Variants in GLOD4 observed in about 807,000 individuals in gnomAD.
GLOD4 encodes the protein glyoxalase domain containing 4.
In GLOD4, 44 loss-of-function variants were observed where a neutral mutation model predicts 39.1. That is an observed-to-expected ratio of 1.13 (90% CI 0.88 to 1.45). The LOEUF is 1.45. Among genes scored for constraint, GLOD4 ranks in the 40% most tolerant of loss-of-function variants. The probability of loss-of-function intolerance (pLI) is 0.00; values close to 1 mark genes in which losing one functional copy is unlikely to be tolerated. For synonymous variants in GLOD4, 145 were observed against 135.0 expected (o/e 1.07, Z -0.52); for missense variants, 405 against 366.4 (o/e 1.11, Z -0.86).
intron 8 of GLOD4, among the ~76,000 whole-genome samples, chr17:769,139 G>A (rs1907401914): frequency 6.6e-6 from 1 of 152,254 alleles, no homozygotes; most frequent in South Asian, 2.1e-4. Context: ...AGAGCTGAGG[G>A]GATCAGATGG....
chr17:770,175 C>G lies in GLOD4; in HGVS notation c.631-18G>C. ...TCTGGCAACTTGAGGAAAACAGAGG[C>G]AACGTGAGCCAGGGGTCACACACTA... is the stretch of plus-strand genomic sequence containing the variant. On this transcript the variant is annotated intron_variant, in intron 6 of 8. Coordinates refer to ENST00000301329, the MANE Select transcript of GLOD4 (RefSeq NM_016080.4). 2.9e-6 allele frequency: 4 copies of G among 1,392,082 alleles called. No homozygotes were observed. The highest frequency in any genetic ancestry group is 4.1e-6 in the Non-Finnish European group (4 of 979,584). 86.2% of individuals were successfully genotyped at this position (1,392,082 alleles called of 1,614,324 possible).
intron 8 of GLOD4, among the ~76,000 whole-genome samples, chr17:765,652 G>C (rs1332241887): frequency 6.6e-6 from 1 of 150,632 alleles, no homozygotes; most frequent in Non-Finnish European, 1.5e-5. Context: ...CACCGTGTTA[G>C]CCAGGATGGT....
In GLOD4 at chr17:769,969, GAGAAA is replaced by G. The variant is rs1907638776; in HGVS notation, c.745-19_745-15del. 6.3e-7 allele frequency: 1 copy of G among 1,591,004 alleles called. No individual in the cohort carries two copies. The highest frequency in any genetic ancestry group is 8.6e-7 in the Non-Finnish European group (1 of 1,158,908). ...TTCATGTCCGTCCTACACCAATAAA[GAGAAA>G]AGACACCTGCCAAAGACATCCTTGA... On this transcript the variant is annotated splice_polypyrimidine_tract_variant and intron_variant, in intron 7 of 8. Transcript: ENST00000301329.
intron 8 of GLOD4, chr17:764,364 AC>A (rs1354456429): frequency 6.6e-6 from 1 of 152,188 alleles, no homozygotes; most frequent in East Asian, 1.9e-4. Flanking sequence ...TAGCTAAAAA[AC>A]CCACAAAAAG....
intron 8 of GLOD4, among the ~76,000 whole-genome samples, chr17:769,365 C>T (rs1237231323): frequency 7.1e-6 from 1 of 140,872 alleles, no homozygotes; most frequent in Non-Finnish European, 1.5e-5. Flanking sequence ...CTGAGGGGAA[C>T]GGATGGAGGC....
At chr17:782,417 A>G (rs1304759955), upstream of GLOD4, 1 of 1,613,754 alleles carries the variant, frequency 6.2e-7, no homozygotes, top group Non-Finnish European at 8.5e-7. Flanking sequence ...TTGTCGTGCG[A>G]CCGTTGCTGC....
intron 8 of GLOD4, among the ~76,000 whole-genome samples, chr17:769,100 AAT>A (rs1435648406): frequency 1.3e-5 from 2 of 152,242 alleles, no homozygotes; most frequent in Non-Finnish European, 2.9e-5. Flanking sequence ...GATGCTGCAG[AAT>A]GGAGAAGAGA....
chr17:782,338 C>G (rs1567797406), upstream of GLOD4: 1 of 1,612,224 alleles, frequency 6.2e-7, no homozygotes, highest in Middle Eastern at 1.7e-4. Context: ...CACTAGCCGC[C>G]GACGGCGCGC....
chr17:782,592 G>C (rs1432831537), upstream of GLOD4: 1 of 1,614,002 alleles, frequency 6.2e-7, no homozygotes. Context: ...GGAGCAACGA[G>C]AGAAACAACC....
At chr17:771,024 A>G (rs751263917) in intron 5 of GLOD4, 10 of 234,656 alleles carry the variant, frequency 4.3e-5, no homozygotes, top group Non-Finnish European at 8.3e-5. Context: ...AATCGTGCTC[A>G]AACGCTGGGT....
chr17:781,504 G>A (rs965978322), intron 1 of GLOD4, among the ~76,000 whole-genome samples: 1 of 152,168 alleles, frequency 6.6e-6, no homozygotes, highest in Non-Finnish European at 1.5e-5. Flanking sequence ...TCAGATCCCC[G>A]TCTATTGCAC....
At chr17:771,513 G>A in intron 4 of GLOD4, 52 bp from the exon 5 acceptor site, 1 of 1,073,686 alleles carries the variant, frequency 9.3e-7, no homozygotes, top group South Asian at 1.7e-5. Context: ...GAATAAAATA[G>A]AAAGACCAAA....
intron 8 of GLOD4, among the ~76,000 whole-genome samples, chr17:767,950 A>G (rs1597578806): frequency 1.4e-5 from 2 of 144,794 alleles, no homozygotes; most frequent in Admixed American, 6.9e-5. Context: ...CGTAAGAGAG[A>G]GAAACAGCGC....
chr17:771,965 A>G (rs550260698), intron 4 of GLOD4, among the ~76,000 whole-genome samples: 83 of 145,692 alleles, frequency 5.7e-4, no homozygotes, highest in Non-Finnish European at 1.1e-3. Flanking sequence ...GTGAGCCGAG[A>G]TGGCGCCGTT....
At chr17:760,414 G>T (rs1905243380) in intron 8 of GLOD4, among the ~76,000 whole-genome samples, 176 bp from the exon 9 acceptor site, 1 of 152,092 alleles carries the variant, frequency 6.6e-6, no homozygotes, top group Non-Finnish European at 1.5e-5. Context: ...AACATTTAAA[G>T]AGTATTAATC....
chr17:773,215 A>G (rs956334542), intron 4 of GLOD4, among the ~76,000 whole-genome samples: 7 of 152,156 alleles, frequency 4.6e-5, no homozygotes, highest in Admixed American at 3.3e-4. Context: ...AAAAGTGCTC[A>G]TTGCTTTTGA....
chr17:773,086 T>C (rs1908273387), intron 4 of GLOD4, among the ~76,000 whole-genome samples: 1 of 152,114 alleles, frequency 6.6e-6, no homozygotes, highest in Admixed American at 6.5e-5. Context: ...GTGCAAATAA[T>C]GTTAAAAGTT....
intron 6 of GLOD4, 51 bp downstream of exon 6, chr17:770,370 G>T: frequency 2.2e-6 from 2 of 929,538 alleles, no homozygotes; most frequent in Non-Finnish European, 3.6e-6. Flanking sequence ...GTTCTTAGCT[G>T]GGTTGAACTA....
chr17:770,155 C>A lies in GLOD4; in HGVS notation c.633G>T (p.Leu211Phe). The A allele has an allele frequency of 6.3e-7, 1 of 1,588,404 alleles. No homozygotes were observed. The change falls in exon 7 of 9, where the codon TTG becomes TTT. Residue 211 changes from leucine (L) to phenylalanine (F), a missense_variant and splice_region_variant. Transcript: ENST00000301329. ...TTTTCATCAAGTCTTCTAAGTCTGG[C>A]AACTTGAGGAAAACAGAGGCAACGT... The part of the protein sequence containing the change: ...RIAFSCPQKE[L>F]PDLEDLMKRE...
Sources: allele counts gnomAD v4.1 joint callset (sites outside exome capture counted in the v4.1 genomes callset), GRCh38; gene constraint gnomAD v4.1.1; transcripts MANE v1.5; gene names NCBI Gene and HGNC (gene_info 2026-07-23, HGNC 2026-07-21).